The following UNC5D variants were observed in gnomAD, a reference collection of about 807,000 sequenced individuals.
The protein encoded by UNC5D is unc-5 netrin receptor D, also known as netrin receptor UNC5D.
A neutral mutation model predicts 105.4 loss-of-function variants in UNC5D; 39 were observed. That is an observed-to-expected ratio of 0.37 (90% confidence interval 0.29 to 0.48). UNC5D has a LOEUF of 0.48. Ranked by LOEUF, UNC5D falls within the 20% of genes least tolerant of loss-of-function variation. UNC5D has a pLI of 0.98. For missense variants in UNC5D, 991 were observed against 1,202.4 expected (o/e 0.82, Z 2.60); for synonymous variants, 452 against 450.4 (o/e 1.00, Z -0.04).
intron 4 of UNC5D, among the ~76,000 whole-genome samples, chr8:35,683,273 T>C (rs887337910): frequency 1.1e-4 from 17 of 152,200 alleles, no homozygotes; most frequent in Non-Finnish European, 2.1e-4. Flanking sequence ...CTCTTTTCTC[T>C]CCTCCACTGC....
At chr8:35,529,094 T>G (rs1191531274) in intron 1 of UNC5D, among the ~76,000 whole-genome samples, 28 of 142,544 alleles carry the variant, frequency 2.0e-4, no homozygotes, top group East Asian at 4.0e-4. Context: ...TGCCATTGCT[T>G]TTGGTGTTTT....
rs567298595 is a variant in UNC5D, at chr8:35,533,585, C to T, written c.104-15707C>T. On this transcript the variant is annotated intron_variant, in intron 1 of 16. Transcript: ENST00000404895. ...TGTGGTGGGCTCCACCCAATTCGAG[C>T]TTCCTGGCTGCTTTGTTTACCTAAG... Among the ~76,000 whole-genome samples the T allele has an allele frequency of 6.4e-3, 968 of 152,360 alleles. 9 individuals carry two copies. The highest frequency in any genetic ancestry group is 0.022 in the African/African-American group (931 of 41,596).
chr8:35,705,699 A>G (rs1037799021), intron 7 of UNC5D, among the ~76,000 whole-genome samples: 54 of 152,206 alleles, frequency 3.5e-4, no homozygotes, highest in Non-Finnish European at 1.0e-4. Context: ...CCACAAGAAA[A>G]TAAATTTTTA....
At chr8:35,676,772 A>G (rs1563657044) in intron 4 of UNC5D, among the ~76,000 whole-genome samples, 1 of 152,192 alleles carries the variant, frequency 6.6e-6, no homozygotes, top group Non-Finnish European at 1.5e-5. Context: ...AAAATGATTT[A>G]GTGAAAGGAA....
At chr8:35,656,370 A>G (rs1258763188) in intron 4 of UNC5D, among the ~76,000 whole-genome samples, 1 of 152,324 alleles carries the variant, frequency 6.6e-6, no homozygotes, top group Admixed American at 6.5e-5. Context: ...ACAATGCCAT[A>G]TGGTATATCA....
intron 1 of UNC5D, among the ~76,000 whole-genome samples, chr8:35,397,812 C>T (rs962473071): frequency 3.9e-5 from 6 of 152,172 alleles, no homozygotes; most frequent in African/African-American, 1.4e-4. Context: ...CACACTCCAC[C>T]AAGAGCCTGA....
At chr8:35,350,338 C>T (rs1812144005) in intron 1 of UNC5D, among the ~76,000 whole-genome samples, 1 of 151,890 alleles carries the variant, frequency 6.6e-6, no homozygotes, top group Non-Finnish European at 1.5e-5. Flanking sequence ...TAAGTGCAGG[C>T]AATTACAGCA....
At chr8:35,549,227 C>T in intron 1 of UNC5D, 65 bp from the exon 2 acceptor site, 1 of 1,486,090 alleles carries the variant, frequency 6.7e-7, no homozygotes, top group African/African-American at 1.4e-5. Flanking sequence ...GCAGGTTTGC[C>T]ATTGTGTCCT....
chr8:35,436,229 T>C (rs1367793030), intron 1 of UNC5D, among the ~76,000 whole-genome samples: 2 of 152,054 alleles, frequency 1.3e-5, no homozygotes, highest in Non-Finnish European at 2.9e-5. Flanking sequence ...TGTTTGATTC[T>C]AACAATATTT....
Position 35,726,189 on chromosome 8 carries a change from T to C in UNC5D, c.1341T>C (p.Asp447=). Residue 447 remains aspartate, a synonymous_variant, in exon 10 of 17, where the codon GAT becomes GAC. Coordinates refer to ENST00000404895, the MANE Select transcript of UNC5D (RefSeq NM_080872.4). ...SLLLNSAMQP[D]LTVSRTYSGP... is the part of the protein sequence containing the mutation. The stretch of plus-strand genomic sequence containing the variant: ...TCCTGAATTCTGCCATGCAGCCAGA[T>C]CTGACAGTGAGCCGGACATACAGCG... The C allele has an allele frequency of 1.9e-6, 3 of 1,613,598 alleles. No individual in the cohort carries two copies. The highest frequency in any genetic ancestry group is 2.5e-6 in the Non-Finnish European group (3 of 1,179,656).
intron 1 of UNC5D, among the ~76,000 whole-genome samples, chr8:35,414,986 C>T (rs1404345286): frequency 6.6e-6 from 1 of 151,974 alleles, no homozygotes; most frequent in African/African-American, 2.4e-5. Flanking sequence ...TAGGAGTGTG[C>T]CAAATTATCC....
chr8:35,331,265 A>C lies in UNC5D; in HGVS notation c.103+95378A>C, dbSNP rs559105197. Among the ~76,000 whole-genome samples, 23 of 152,298 alleles carry C rather than the reference A, an allele frequency of 1.5e-4. No individual in the cohort carries two copies. The East Asian group carries it at 4.4e-3, about 29-fold the overall frequency. On this transcript the variant is annotated intron_variant, in intron 1 of 16. Coordinates refer to ENST00000404895, the MANE Select transcript of UNC5D (RefSeq NM_080872.4). ...GCTTGAAGTCCAGTGGTTCGATAAAAATTAAAACACATGAGTTCATGAGTA... is the reference window on the plus strand; with the variant it reads ...GCTTGAAGTCCAGTGGTTCGATAAACATTAAAACACATGAGTTCATGAGTA...
At chr8:35,380,507 G>T (rs1725615601) in intron 1 of UNC5D, among the ~76,000 whole-genome samples, 1 of 152,006 alleles carries the variant, frequency 6.6e-6, no homozygotes, top group Non-Finnish European at 1.5e-5. Context: ...GCTCTCTAAG[G>T]CATAATGTTT....
intron 1 of UNC5D, among the ~76,000 whole-genome samples, chr8:35,263,771 A>G (rs1253784282): frequency 6.6e-6 from 1 of 152,078 alleles, no homozygotes; most frequent in Non-Finnish European, 1.5e-5. Flanking sequence ...GATTTTTGCA[A>G]TTTTTCAAAT....
At chr8:35,425,155 T>C (rs1385556405) in intron 1 of UNC5D, among the ~76,000 whole-genome samples, 1 of 152,172 alleles carries the variant, frequency 6.6e-6, no homozygotes, top group Non-Finnish European at 1.5e-5. Context: ...CTGCACGTTG[T>C]GCACATGTAC....
chr8:35,734,133 TG>T, intron 11 of UNC5D, among the ~76,000 whole-genome samples: 1 of 152,120 alleles, frequency 6.6e-6, no homozygotes, highest in South Asian at 2.1e-4. Flanking sequence ...TTAGTGATGC[TG>T]TAAGAACAGG....
chr8:35,615,204 A>T (rs1820962484), intron 4 of UNC5D, among the ~76,000 whole-genome samples: 1 of 152,058 alleles, frequency 6.6e-6, no homozygotes, highest in African/African-American at 2.4e-5. Flanking sequence ...AGTCCACTGC[A>T]CTCCAGCGTG....
At chr8:35,405,245 G>T (rs1439850400) in intron 1 of UNC5D, among the ~76,000 whole-genome samples, 2 of 152,086 alleles carry the variant, frequency 1.3e-5, no homozygotes, top group Non-Finnish European at 2.9e-5. Context: ...CTCAAGGTTG[G>T]GTGTATGGGG....
At chr8:35,673,908 C>T (rs975079638) in intron 4 of UNC5D, among the ~76,000 whole-genome samples, 2 of 152,074 alleles carry the variant, frequency 1.3e-5, no homozygotes, top group African/African-American at 4.8e-5. Flanking sequence ...GTACGTGCTG[C>T]ACCCATTTCT....
Sources: gnomAD v4.1 joint callset for allele counts (sites outside exome capture counted in the v4.1 genomes callset) on GRCh38, gnomAD v4.1.1 for gene constraint, MANE v1.5 for transcripts, NCBI Gene and HGNC (gene_info 2026-07-23, HGNC 2026-07-21) for gene names.